RPGR: variants seen among roughly 807,000 people sequenced by gnomAD.
RPGR encodes the protein retinitis pigmentosa GTPase regulator, also known as X-linked retinitis pigmentosa GTPase regulator.
A neutral mutation model predicts 56.3 loss-of-function variants in RPGR; 10 were observed. The ratio of observed to expected loss-of-function variants is 0.18; its 90% CI spans 0.11 to 0.30. The LOEUF (loss-of-function observed/expected upper bound fraction) is 0.30. RPGR is among the 10% of genes least tolerant of loss of function. RPGR has a pLI of 1.00. For missense variants in RPGR, 538 were observed against 590.9 expected (o/e 0.91, Z 0.93); for synonymous variants, 197 against 212.9 (o/e 0.93, Z 0.65).
intron 7 of RPGR, among the ~76,000 whole-genome samples, chrX:38,305,486 T>C (rs747078220): frequency 9.0e-6 from 1 of 110,613 alleles, no homozygotes; most frequent in East Asian, 2.8e-4. Context: ...TAGTGTCTCC[T>C]ACAGAAAAAC....
intron 6 of RPGR, among the ~76,000 whole-genome samples, chrX:38,317,032 G>A (rs1478472748): frequency 9.0e-6 from 1 of 111,323 alleles, no homozygotes; most frequent in Non-Finnish European, 1.9e-5. Context: ...GTCCAGGAAA[G>A]GGAGAAGTTG....
At chrX:38,291,100 A>AC in intron 12 of RPGR, 76 bp from the exon 13 acceptor site, 1 of 225,797 alleles carries the variant, frequency 4.4e-6, no homozygotes, top group Non-Finnish European at 7.6e-6. Context: ...GTACAAATAT[A>AC]TAGTATATTT....
chrX:38,304,560 C>G, intron 8 of RPGR, 75 bp downstream of exon 8: 2 of 839,171 alleles, frequency 2.4e-6, no homozygotes, highest in Non-Finnish European at 1.7e-6. Context: ...TAGATACATT[C>G]ATTTCACATA....
chrX:38,273,284 A>G (rs1472212484), intron 18 of RPGR: 1 of 630,269 alleles, frequency 1.6e-6, no homozygotes, highest in East Asian at 3.6e-5. Flanking sequence ...TGGGGCCATG[A>G]AAACTCATAT....
At chrX:38,281,182 ACT>A (rs773424834) in intron 15 of RPGR, among the ~76,000 whole-genome samples, 1 of 111,699 alleles carries the variant, frequency 9.0e-6, no homozygotes, top group African/African-American at 3.3e-5. Context: ...TACTATCTCT[ACT>A]CTTTTTCCTT....
intron 12 of RPGR, 143 bp downstream of exon 12, chrX:38,291,250 C>T (rs1223003699): frequency 4.8e-6 from 2 of 414,525 alleles, no homozygotes; most frequent in Non-Finnish European, 8.1e-6. Flanking sequence ...AATTATACCT[C>T]AATATAGTTG....
chrX:38,287,284 G>A (rs757719083), intron 14 of RPGR, 39 bp from the exon 15 acceptor site: 1 of 1,204,803 alleles, frequency 8.3e-7, no homozygotes, highest in South Asian at 1.8e-5. Context: ...CTTTGCCATG[G>A]ATTTGGATAT....
At chrX:38,271,372 G>A (rs181476539) in intron 18 of RPGR, among the ~76,000 whole-genome samples, 64 of 111,947 alleles carry the variant, frequency 5.7e-4, no homozygotes, top group African/African-American at 2.0e-3. Context: ...ATTTTATAAT[G>A]TGCAGGTAAT....
chrX:38,269,880 A>T, intron 18 of RPGR: 2 of 918,218 alleles, frequency 2.2e-6, no homozygotes, highest in Non-Finnish European at 3.1e-6. Context: ...TAAGTGAAAC[A>T]TTCACTTAAC....
intron 16 of RPGR, among the ~76,000 whole-genome samples, chrX:38,276,398 C>T (rs1393652333): frequency 1.8e-5 from 2 of 111,863 alleles, no homozygotes; most frequent in African/African-American, 6.5e-5. Flanking sequence ...AGAAAGTGTG[C>T]TAGAGACAAA....
Position 38,310,702 on chromosome X carries a change from T to A in RPGR, c.691A>T (p.Asn231Tyr). The A allele has an allele frequency of 1.7e-6, 2 of 1,210,672 alleles. No homozygotes were observed. The highest frequency in any genetic ancestry group is 2.2e-6 in the Non-Finnish European group (2 of 894,802). Reference sequence around the variant, plus strand: ...GACACCAGCTGGGGTGTTCTGTGATTGCCCAGGAGCTGATTGGGAAGACCT... The same window carrying A: ...GACACCAGCTGGGGTGTTCTGTGATAGCCCAGGAGCTGATTGGGAAGACCT... Residue 231 changes from asparagine to tyrosine, a missense_variant, in exon 7 of 19, where the codon AAT (asparagine) becomes TAT (tyrosine). Physicochemically the swap from Asn to Tyr is moderately radical, Grantham distance 143. This residue lies in a region of RPGR where 181 missense variants were observed against 265.1 expected (regional missense o/e 0.68). Coordinates refer to ENST00000642395, the MANE Select transcript of RPGR (RefSeq NM_000328.3).
chrX:38,286,966 T>G, intron 15 of RPGR: 1 of 1,208,765 alleles, frequency 8.3e-7, no homozygotes, highest in Non-Finnish European at 1.1e-6. Context: ...CTTGTCTTTC[T>G]CCCCCTTCTC....
intron 2 of RPGR, 109 bp from the exon 3 acceptor site, chrX:38,323,054 C>T: frequency 1.6e-6 from 1 of 626,854 alleles, no homozygotes; most frequent in Non-Finnish European, 2.7e-6. Flanking sequence ...CACTGCTTTT[C>T]TGTGTTGAAA....
intron 15 of RPGR, chrX:38,286,325 C>T: frequency 1.2e-6 from 1 of 839,330 alleles, no homozygotes; most frequent in Non-Finnish European, 1.5e-6. Flanking sequence ...CCCTCCCCTT[C>T]TCCTTCCTCT....
chrX:38,287,217 C>T lies in RPGR; in HGVS notation c.1782G>A (p.Glu594=). 1 of 1,210,503 alleles carries T rather than the reference C, an allele frequency of 8.3e-7. No individual in the cohort carries two copies. Among genetic ancestry groups the T allele is most frequent in the African/African-American group, 1.7e-5 (1 of 57,754 alleles). ...CCTCTATTCCATTTCCTTTTGAATC[C>T]TCTGCTCCTTCCTTCTCCTCTGGGA... Residue 594 remains glutamate (E), a synonymous_variant, in exon 15 of 19, where the codon GAG becomes GAA. Coordinates refer to ENST00000642395, the MANE Select transcript of RPGR (RefSeq NM_000328.3).
chrX:38,299,943 T>A (rs2067471794), intron 9 of RPGR, among the ~76,000 whole-genome samples: 1 of 111,476 alleles, frequency 9.0e-6, no homozygotes, highest in African/African-American at 3.3e-5. Context: ...CAATACTTTG[T>A]ATTTCTTTTT....
In RPGR at chrX:38,282,795, GCA is replaced by G. The variant is rs1491024100; in HGVS notation, c.1905+4297_1905+4298del. Among the ~76,000 whole-genome samples the G allele has an allele frequency of 2.9e-3, 324 of 111,100 alleles. 3 individuals carry two copies. The East Asian group carries it at 0.033, about 11-fold the overall frequency. Reference sequence around the variant, plus strand: ...CTGCTGTTCAGCAGCAGCAGCAGCAGCAGCAGCAGCAGTTTCTGTGGTAGGTA... The same window carrying G: ...CTGCTGTTCAGCAGCAGCAGCAGCAGGCAGCAGCAGTTTCTGTGGTAGGTA... On this transcript the variant is annotated intron_variant, in intron 15 of 18. Transcript: ENST00000642395.
intron 6 of RPGR, among the ~76,000 whole-genome samples, chrX:38,311,048 TTTAC>T (rs1344412357): frequency 3.6e-5 from 4 of 112,653 alleles, no homozygotes; most frequent in Non-Finnish European, 7.5e-5. Flanking sequence ...TCTTGTGTCT[TTTAC>T]TTACTTAAAG....
At chrX:38,284,992 G>C in intron 15 of RPGR, 1 of 755,024 alleles carries the variant, frequency 1.3e-6, no homozygotes, top group Non-Finnish European at 1.6e-6. Flanking sequence ...TTTGCAAAAA[G>C]AACACATAAA....
Sources: allele counts gnomAD v4.1 joint callset (sites outside exome capture counted in the v4.1 genomes callset), GRCh38; gene constraint gnomAD v4.1.1; regional missense constraint gnomAD v4.1.1; transcripts MANE v1.5; gene names NCBI Gene and HGNC (gene_info 2026-07-23, HGNC 2026-07-21).